The following ACSM1 variants were observed in gnomAD, a reference collection of about 807,000 sequenced individuals.
ACSM1 encodes the protein acyl-CoA synthetase medium chain family member 1.
A neutral mutation model predicts 75.8 loss-of-function variants in ACSM1; 79 were observed. That is an observed-to-expected ratio of 1.04 (90% CI 0.87 to 1.26). The LOEUF is 1.26. Among genes scored for constraint, ACSM1 ranks in the 50% most tolerant of loss-of-function variants. The probability of loss-of-function intolerance (pLI) is 0.00; values close to 1 mark genes in which losing one functional copy is unlikely to be tolerated. For synonymous variants in ACSM1, 279 were observed against 265.8 expected (o/e 1.05, Z -0.48); for missense variants, 676 against 720.1 (o/e 0.94, Z 0.70).
At chr16:20,633,957 A>T (rs1202145401) in intron 10 of ACSM1, among the ~76,000 whole-genome samples, 1 of 152,142 alleles carries the variant, frequency 6.6e-6, no homozygotes, top group Non-Finnish European at 1.5e-5. Context: ...AAGTTGGAAA[A>T]CTCACACTTC....
At chr16:20,684,693 T>C (rs1164768755) in intron 3 of ACSM1, among the ~76,000 whole-genome samples, 1 of 152,236 alleles carries the variant, frequency 6.6e-6, no homozygotes, top group Non-Finnish European at 1.5e-5. Flanking sequence ...TACCTGGTGT[T>C]CATAGGTGTC....
At chr16:20,650,445 C>G (rs967623508) in intron 7 of ACSM1, among the ~76,000 whole-genome samples, 2 of 152,020 alleles carry the variant, frequency 1.3e-5, no homozygotes, top group South Asian at 4.1e-4. Flanking sequence ...AAATCCCCAA[C>G]AAAAATTAAT....
chr16:20,671,671 T>A lies in ACSM1; in HGVS notation c.612A>T (p.Lys204Asn), dbSNP rs1193332020. 3 of 1,559,030 alleles carry A rather than the reference T, an allele frequency of 1.9e-6. No individual in the cohort carries two copies. In the South Asian group the frequency reaches 3.6e-5, roughly 19 times the overall value. Reference sequence around the variant, plus strand: ...CACAGGTGTGTTCTGGGGATGCTGATCTGCAAAGGGGTTCAAGACAAAAGG... The same window carrying A: ...CACAGGTGTGTTCTGGGGATGCTGAACTGCAAAGGGGTTCAAGACAAAAGG... ...EGWLDFRSLV[K>N]SASPEHTCVK... is the part of the protein sequence containing the mutation. Residue 204 changes from lysine to asparagine, a missense_variant and splice_region_variant, in exon 5 of 14, where the codon AAA (lysine) becomes AAT (asparagine). By Grantham distance (94) the Lys-to-Asn change is moderately conservative (BLOSUM62 0). Coordinates refer to ENST00000520010, the MANE Select transcript of ACSM1 (RefSeq NM_001318890.3).
chr16:20,640,456 C>T lies in ACSM1; in HGVS notation c.1116+5G>A. ...CTCAGACACTTTCTGGTTTGCACCACCTACCGTTTCCGACTGCCCATAGTT... is the reference window on the plus strand; with the variant it reads ...CTCAGACACTTTCTGGTTTGCACCATCTACCGTTTCCGACTGCCCATAGTT... On this transcript the variant is annotated splice_donor_5th_base_variant and intron_variant, in intron 8 of 13. Coordinates refer to ENST00000520010, the MANE Select transcript of ACSM1 (RefSeq NM_001318890.3). 6.2e-7 allele frequency: 1 copy of T among 1,614,120 alleles called. No homozygotes were observed. Among genetic ancestry groups the T allele is most frequent in the Non-Finnish European group, 8.5e-7 (1 of 1,179,990 alleles).
intron 4 of ACSM1, chr16:20,681,485 G>T (rs2079444872): frequency 6.6e-6 from 1 of 152,266 alleles, no homozygotes; most frequent in South Asian, 2.1e-4. Context: ...AACCCTCACT[G>T]GTGGGTTTTT....
Position 20,682,429 on chromosome 16 carries a change from C to T in ACSM1, c.438G>A (p.Lys146=). The T allele has an allele frequency of 6.2e-7, 1 of 1,613,790 alleles. No homozygotes were observed. The highest frequency in any genetic ancestry group is 8.5e-7 in the Non-Finnish European group (1 of 1,179,840). ...IIFIPATILL[K]AKDILYRLQL... ...GTAGTCGATAGAGAATGTCTTTGGC[C>T]TTCAACAGGATGGTCGCAGGAATGA... Residue 146 remains lysine, a synonymous_variant, in exon 4 of 14, where the codon AAG becomes AAA. Transcript: ENST00000520010.
chr16:20,686,810 GAA>G (rs57762001), intron 2 of ACSM1, among the ~76,000 whole-genome samples: 1,602 of 146,790 alleles, frequency 0.011, 24 homozygotes, highest in African/African-American at 0.04. Flanking sequence ...TCTCAAAAAA[GAA>G]AAAAAAAAAG....
intron 4 of ACSM1, among the ~76,000 whole-genome samples, chr16:20,677,618 G>T (rs234280): frequency 2.0e-5 from 3 of 151,934 alleles, no homozygotes; most frequent in Non-Finnish European, 4.4e-5. Context: ...CCCTTGGGGA[G>T]CCAGACATAG....
Position 20,628,632 on chromosome 16 carries a change from A to G in ACSM1, c.1300-1316T>C, listed in dbSNP as rs1024163425. 3.9e-5 allele frequency among the ~76,000 whole-genome samples: 6 copies of G among 152,226 alleles called. No homozygotes were observed. In the East Asian group the frequency reaches 1.2e-3, roughly 29 times the overall value. On this transcript the variant is annotated intron_variant, in intron 10 of 13. Coordinates refer to ENST00000520010, the MANE Select transcript of ACSM1 (RefSeq NM_001318890.3). ...GGTTTGATCCTTTTTGTTGCTGAAC[A>G]GTATTCCATGTTATGGATGTAGCTG...
rs559429333 is a variant in ACSM1, at chr16:20,697,652, C to T, written c.-68G>A. ...CTGTCTTACCTGGTACTGTTTAGGA[C>T]GTAGCTGAACTAGGTCCCTGGTAGG... On this transcript the variant is annotated 5_prime_UTR_variant, in exon 1 of 14. Transcript: ENST00000520010. 2 of 151,808 alleles carry T rather than the reference C, an allele frequency of 1.3e-5. No individual in the cohort carries two copies. Among genetic ancestry groups the T allele is most frequent in the South Asian group, 2.1e-4 (1 of 4,808 alleles). 9.4% of individuals were successfully genotyped at this position (151,808 alleles called of 1,614,324 possible). A position where few individuals can be genotyped will look rare whatever the true frequency, so the allele number is the denominator to read the frequency against.
chr16:20,623,624 T>C (rs1360563591), intron 13 of ACSM1, 52 bp from the exon 14 acceptor site: 1 of 1,546,130 alleles, frequency 6.5e-7, no homozygotes, highest in East Asian at 2.2e-5. Context: ...TGCCATTTCC[T>C]AACAATTCTC....
chr16:20,678,510 G>A (rs1057250895), intron 4 of ACSM1, among the ~76,000 whole-genome samples: 1 of 152,152 alleles, frequency 6.6e-6, no homozygotes, highest in Admixed American at 6.6e-5. Context: ...CCCTGTGATG[G>A]GGGCTATCAG....
intron 7 of ACSM1, 25 bp downstream of exon 7, chr16:20,661,769 T>C: frequency 6.5e-7 from 1 of 1,548,368 alleles, no homozygotes; most frequent in Non-Finnish European, 8.9e-7. Flanking sequence ...CCCAAAGATG[T>C]TGTTACAAGC....
Position 20,685,398 on chromosome 16 carries a change from G to T in ACSM1, c.198C>A (p.Gly66=), listed in dbSNP as rs2079529089. Residue 66 remains glycine, a synonymous_variant, in exon 3 of 14, where the codon GGC becomes GGA. Coordinates refer to ENST00000520010, the MANE Select transcript of ACSM1 (RefSeq NM_001318890.3). ...LDYWAQKEKE[G]KRGPNPAFWW... is the part of the protein sequence containing the mutation. ...AAAAAGCTGGATTTGGACCTCTCTT[G>T]CCCTCCTGGTCAAGACCATATATTA... 1.2e-6 allele frequency: 2 copies of T among 1,614,060 alleles called. No individual in the cohort carries two copies. Among genetic ancestry groups the T allele is most frequent in the South Asian group, 1.1e-5 (1 of 91,074 alleles).
chr16:20,689,789 GA>G (rs945213985), intron 2 of ACSM1, among the ~76,000 whole-genome samples: 3 of 152,146 alleles, frequency 2.0e-5, no homozygotes, highest in Non-Finnish European at 4.4e-5. Flanking sequence ...TCTGGGCAAT[GA>G]AAAAAATGAA....
chr16:20,684,243 G>A (rs573563789), intron 3 of ACSM1, among the ~76,000 whole-genome samples: 3 of 152,128 alleles, frequency 2.0e-5, no homozygotes, highest in Non-Finnish European at 2.9e-5. Flanking sequence ...TATTCAATTA[G>A]GTAAAGAATC....
rs2152311010 is a variant in ACSM1 at position 20,682,324 on chromosome 16, A to AT, written c.542_543insA (p.Leu182SerfsTer9). 1.2e-6 allele frequency: 2 copies of AT among 1,614,010 alleles called. No individual in the cohort carries two copies. The highest frequency in any genetic ancestry group is 1.7e-6 in the Non-Finnish European group (2 of 1,179,980). ...CAGACACCAGGAGCTTGGTTTTCAGAGAGGGGCACTGAGAAGCTATGGAGT... is the reference window on the plus strand; with the variant it reads ...CAGACACCAGGAGCTTGGTTTTCAGATGAGGGGCACTGAGAAGCTATGGAGT... On this transcript the variant is annotated frameshift_variant, in exon 4 of 14. Transcript: ENST00000520010. LOFTEE classifies it high-confidence loss of function.
At chr16:20,679,766 G>C (rs1169312429) in intron 4 of ACSM1, 1 of 152,210 alleles carries the variant, frequency 6.6e-6, no homozygotes, top group East Asian at 1.9e-4. Context: ...TATTCGGTCT[G>C]TGACCCAGGA....
At chr16:20,638,965 G>A (rs1259614679) in intron 8 of ACSM1, among the ~76,000 whole-genome samples, 1 of 152,178 alleles carries the variant, frequency 6.6e-6, no homozygotes, top group Non-Finnish European at 1.5e-5. Context: ...CGAAGTGTCA[G>A]CATTTTTCAG....
Sources: gnomAD v4.1 joint callset for allele counts (sites outside exome capture counted in the v4.1 genomes callset) on GRCh38, gnomAD v4.1.1 for gene constraint, MANE v1.5 for transcripts, NCBI Gene and HGNC (gene_info 2026-07-23, HGNC 2026-07-21) for gene names.